MEA1: variants seen among roughly 807,000 people sequenced by gnomAD.
MEA1 encodes the protein male-enhanced antigen 1.
MEA1 carries 22 observed loss-of-function variants against 21.4 expected under a neutral mutation model. The ratio of observed to expected loss-of-function variants is 1.03; its 90% CI spans 0.73 to 1.47. The LOEUF (loss-of-function observed/expected upper bound fraction) is 1.47, where lower values mean the gene tolerates loss of function less well. Ranked by LOEUF, MEA1 falls within the 40% of genes most tolerant of loss-of-function variation. The probability of loss-of-function intolerance (pLI) is 0.00; values close to 1 mark genes in which losing one functional copy is unlikely to be tolerated. For missense variants in MEA1, 233 were observed against 230.5 expected (o/e 1.01, Z -0.07); for synonymous variants, 91 against 85.5 (o/e 1.06, Z -0.35).
At chr6:43,014,749 T>G (rs1581873594), upstream of MEA1, 1 of 380,094 alleles carries the variant, frequency 2.6e-6, no homozygotes, top group Non-Finnish European at 5.4e-6. Context: ...TTAGTGGAGG[T>G]GGGAAAATGG....
At position 43,011,660 on chromosome 6, in the gene MEA1, C is replaced by T. The variant is rs1762355077; in HGVS notation, c.*810G>A. On this transcript the variant is annotated 3_prime_UTR_variant, in exon 4 of 4. Coordinates refer to ENST00000244711, the MANE Select transcript of MEA1 (RefSeq NM_014623.4). The stretch of plus-strand genomic sequence containing the variant: ...CCTCATTTGAACGCCAGGTATCTCC[C>T]CTCCTCTCTCTCCCCTGCAGAGGCA... 2 of 246,396 alleles carry T rather than the reference C, an allele frequency of 8.1e-6. No homozygotes were observed. The highest frequency in any genetic ancestry group is 1.2e-4 in the South Asian group (2 of 17,140). 15.3% of individuals were successfully genotyped at this position (246,396 alleles called of 1,614,324 possible).
Position 43,013,258 on chromosome 6 carries a change from G to C in MEA1, c.160C>G (p.Pro54Ala). The stretch of plus-strand genomic sequence containing the variant: ...CCCGTTTCCTCCTGCTCTTCCTCAG[G>C]CTCCTCACTGCTCCAATCCCCAGTG... ...EGTGDWSSEE[P>A]EEEQEETGSG... The change falls in exon 2 of 4, where the codon CCT becomes GCT. Residue 54 changes from proline (P) to alanine (A), a missense_variant. By Grantham distance (27) the Pro-to-Ala change is conservative. Transcript: ENST00000244711. 1.2e-6 allele frequency: 2 copies of C among 1,614,118 alleles called. No homozygotes were observed. Among genetic ancestry groups the C allele is most frequent in the East Asian group, 4.5e-5 (2 of 44,880 alleles).
At chr6:43,013,975 T>G (rs1334869842), upstream of MEA1, 3 of 1,429,074 alleles carry the variant, frequency 2.1e-6, no homozygotes, top group Non-Finnish European at 2.8e-6. Context: ...CCGCCCCATA[T>G]CCATGATTGA....
Position 43,012,908 on chromosome 6 carries a change from G to T in MEA1, c.406+18C>A. ...ATTTCCTTAGTAATTATTCCAGAAT[G>T]AAAGAATGATCTTTTACCTGGGTCC... On this transcript the variant is annotated intron_variant, in intron 3 of 3. Coordinates refer to ENST00000244711, the MANE Select transcript of MEA1 (RefSeq NM_014623.4). 1 of 1,602,768 alleles carries T rather than the reference G, an allele frequency of 6.2e-7. No homozygotes were observed. Among genetic ancestry groups the T allele is most frequent in the South Asian group, 1.1e-5 (1 of 90,880 alleles).
At chr6:43,013,712 G>A (rs891142031) in intron 1 of MEA1, 74 bp downstream of exon 1, 9 of 1,438,356 alleles carry the variant, frequency 6.3e-6, no homozygotes, top group Non-Finnish European at 7.7e-6. Flanking sequence ...TGGGAACTCT[G>A]GGTCATCAGA....
intron 3 of MEA1, 119 bp downstream of exon 3, chr6:43,012,807 A>G: frequency 1.6e-6 from 2 of 1,281,248 alleles, no homozygotes; most frequent in South Asian, 2.5e-5. Context: ...GAAGTCTACA[A>G]AATCTTAGTT....
intron 3 of MEA1, 97 bp from the exon 4 acceptor site, chr6:43,012,718 G>A: frequency 2.8e-6 from 4 of 1,426,748 alleles, no homozygotes; most frequent in Non-Finnish European, 3.8e-6. Context: ...GGCTGCTAGG[G>A]TCACCAAATC....
chr6:43,012,864 T>C lies in MEA1; in HGVS notation c.406+62A>G, dbSNP rs373119866. ...AGGGTCTTCCTCTGAAACTTCCTTC[T>C]ACTGACTCATGCCAGTTCATTTCCT... On this transcript the variant is annotated intron_variant, in intron 3 of 3. Transcript: ENST00000244711. 3.4e-6 allele frequency: 5 copies of C among 1,482,998 alleles called. No homozygotes were observed. The African/African-American group carries it at 5.5e-5, about 16-fold the overall frequency. 91.9% of individuals were successfully genotyped at this position (1,482,998 alleles called of 1,614,324 possible). A position where few individuals can be genotyped will look rare whatever the true frequency, so the allele number is the denominator to read the frequency against.
chr6:43,013,887 G>C lies in MEA1; in HGVS notation c.-74C>G, dbSNP rs1188081441. The stretch of plus-strand genomic sequence containing the variant: ...TCCGAATCCCGGCGCCGGTGTTCCC[G>C]CGCGCCTCACCCGCTCAGAGCCCGC... On this transcript the variant is annotated 5_prime_UTR_variant, in exon 1 of 4. Transcript: ENST00000244711. 1.3e-5 allele frequency: 16 copies of C among 1,236,338 alleles called. No homozygotes were observed. Among genetic ancestry groups the C allele is most frequent in the East Asian group, 6.5e-5 (1 of 15,294 alleles). The allele number at this position is 1,236,338 out of a possible 1,614,324, so 76.6% of individuals were successfully genotyped here. A position where few individuals can be genotyped will look rare whatever the true frequency, so the allele number is the denominator to read the frequency against.
At chr6:43,014,373 A>G (rs1234023069), upstream of MEA1, 19 of 608,976 alleles carry the variant, frequency 3.1e-5, no homozygotes, top group Admixed American at 1.6e-4. Flanking sequence ...GTAGAAGGGC[A>G]AGGGAGAATT....
chr6:43,013,449 T>A, intron 1 of MEA1, 60 bp from the exon 2 acceptor site: 1 of 1,558,672 alleles, frequency 6.4e-7, no homozygotes, highest in African/African-American at 1.4e-5. Flanking sequence ...ATCTTCATCC[T>A]CTCATCATCT....
chr6:43,016,442 G>T, upstream of MEA1: 1 of 152,398 alleles, frequency 6.6e-6, no homozygotes, highest in Non-Finnish European at 1.5e-5. Flanking sequence ...AGTCCTGGCA[G>T]CATACCAGGC....
upstream of MEA1, among the ~76,000 whole-genome samples, chr6:43,015,601 G>A (rs746375151): frequency 2.1e-4 from 32 of 152,146 alleles, no homozygotes; most frequent in Non-Finnish European, 4.0e-4. Context: ...TGTAATCCCA[G>A]CACTTCAGGA....
chr6:43,012,720 C>T (rs60622781), intron 3 of MEA1, 99 bp from the exon 4 acceptor site: 137,003 of 1,392,844 alleles, frequency 0.098, 8,327 homozygotes, highest in African/African-American at 0.24. Flanking sequence ...CTGCTAGGGT[C>T]ACCAAATCCA....
chr6:43,014,555 G>A (rs1420734058), upstream of MEA1: 1 of 462,786 alleles, frequency 2.2e-6, no homozygotes, highest in Non-Finnish European at 4.3e-6. Flanking sequence ...CTGGTGTCTG[G>A]AGGAAGCAAT....
At position 43,013,223 on chromosome 6, in the gene MEA1, T is replaced by G; in HGVS notation, c.195A>C (p.Pro65=). The change falls in exon 2 of 4, where the codon CCA becomes CCC. Residue 65 remains proline (P), a synonymous_variant. Coordinates refer to ENST00000244711, the MANE Select transcript of MEA1 (RefSeq NM_014623.4). The part of the protein sequence containing the change: ...EEEQEETGSG[P]AGYSYQPLNQ... ...TCAGGGGCTGGTAGGAGTAGCCAGCTGGGCCCGACCCCGTTTCCTCCTGCT... is the reference window on the plus strand; with the variant it reads ...TCAGGGGCTGGTAGGAGTAGCCAGCGGGGCCCGACCCCGTTTCCTCCTGCT... 6.2e-7 allele frequency: 1 copy of G among 1,614,170 alleles called. No homozygotes were observed. The highest frequency in any genetic ancestry group is 8.5e-7 in the Non-Finnish European group (1 of 1,180,012).
Position 43,013,175 on chromosome 6 carries a change from C to T in MEA1, c.243G>A (p.Glu81=), listed in dbSNP as rs1201897493. The T allele has an allele frequency of 1.2e-6, 2 of 1,614,068 alleles. No individual in the cohort carries two copies. Among genetic ancestry groups the T allele is most frequent in the Non-Finnish European group, 1.7e-6 (2 of 1,180,034 alleles). ...QPLNQDPEQE[E]VELAPVGDGD... ...CATCCCCCACTGGTGCCAGTTCCAC[C>T]TCCTCTTGTTCAGGATCTTGGTTCA... Residue 81 remains glutamate, a synonymous_variant, in exon 2 of 4, where the codon GAG becomes GAA. Coordinates refer to ENST00000244711, the MANE Select transcript of MEA1 (RefSeq NM_014623.4).
chr6:43,013,620 C>T (rs1230358665), intron 1 of MEA1, 166 bp downstream of exon 1: 3 of 845,716 alleles, frequency 3.5e-6, no homozygotes, highest in African/African-American at 3.4e-5. Context: ...CCTAGTTAAA[C>T]GCCCAACCGG....
intron 1 of MEA1, 152 bp from the exon 2 acceptor site, chr6:43,013,541 C>A: frequency 1.1e-6 from 1 of 905,350 alleles, no homozygotes; most frequent in Non-Finnish European, 1.7e-6. Context: ...ATTCCAGCCT[C>A]TCGTTCCTCC....
Sources: gnomAD v4.1 joint callset for allele counts (sites outside exome capture counted in the v4.1 genomes callset) on GRCh38, gnomAD v4.1.1 for gene constraint, MANE v1.5 for transcripts, NCBI Gene and HGNC (gene_info 2026-07-23, HGNC 2026-07-21) for gene names.